USP34: variants seen among roughly 807,000 people sequenced by gnomAD.
USP34 encodes ubiquitin specific peptidase 34.
A neutral mutation model predicts 460.3 loss-of-function variants in USP34; 70 were observed. The observed-to-expected ratio is 0.15, with a 90% CI of 0.13 to 0.19. The LOEUF is 0.19. Among genes scored for constraint, USP34 ranks in the 10% least tolerant of loss-of-function variants. USP34 has a pLI of 1.00. For missense variants in USP34, 3,985 were observed against 4,236.2 expected (o/e 0.94, Z 1.65); for synonymous variants, 1,647 against 1,405.3 (o/e 1.17, Z -3.85).
At chr2:61,204,108 A>C in intron 74 of USP34, 148 bp downstream of exon 74, 1 of 1,078,634 alleles carries the variant, frequency 9.3e-7, no homozygotes, top group East Asian at 2.4e-5. Flanking sequence ...ATTTCAGAGC[A>C]CTAAAAGGAA....
chr2:61,328,061 C>T (rs1201855220), intron 20 of USP34, among the ~76,000 whole-genome samples: 2 of 151,910 alleles, frequency 1.3e-5, no homozygotes, highest in African/African-American at 2.4e-5. Flanking sequence ...CTTTGGGAGG[C>T]GGAGGCGGAG....
chr2:61,265,956 A>C, intron 42 of USP34, 28 bp downstream of exon 42: 11 of 1,511,246 alleles, frequency 7.3e-6, no homozygotes, highest in Non-Finnish European at 9.8e-6. Flanking sequence ...AAAATCTATA[A>C]AGATTAAAGG....
At chr2:61,295,986 C>G (rs1690015288) in intron 30 of USP34, among the ~76,000 whole-genome samples, 1 of 152,158 alleles carries the variant, frequency 6.6e-6, no homozygotes, top group Non-Finnish European at 1.5e-5. Flanking sequence ...AAGCCAGGAG[C>G]AGTGGCTCAT....
chr2:61,229,194 T>C (rs1025782917), intron 59 of USP34, among the ~76,000 whole-genome samples, 199 bp from the exon 60 acceptor site: 8 of 152,188 alleles, frequency 5.3e-5, no homozygotes, highest in African/African-American at 1.2e-4. Context: ...GTAGAGGATT[T>C]TGCAGATGCA....
rs1383375845 is a variant in USP34 at position 61,187,709 on chromosome 2, G to A, written c.*393C>T. 1.1e-5 allele frequency: 5 copies of A among 458,914 alleles called. No homozygotes were observed. The highest frequency in any genetic ancestry group is 1.8e-4 in the South Asian group (2 of 10,946). The allele number at this position is 458,914 out of a possible 1,614,324, so 28.4% of individuals were successfully genotyped here. A position where few individuals can be genotyped will look rare whatever the true frequency, so the allele number is the denominator to read the frequency against. The stretch of plus-strand genomic sequence containing the variant: ...TAATTTTGATAATAAGAACCACAGC[G>A]ATCGGAGGCAATCTGCCTCTATAAG... On this transcript the variant is annotated 3_prime_UTR_variant, in exon 80 of 80. Coordinates refer to ENST00000398571, the MANE Select transcript of USP34 (RefSeq NM_014709.4).
intron 57 of USP34, among the ~76,000 whole-genome samples, chr2:61,234,933 G>C (rs1688020683): frequency 6.6e-6 from 1 of 152,212 alleles, no homozygotes; most frequent in African/African-American, 2.4e-5. Flanking sequence ...ACCATGCACA[G>C]TCCCAAGTTT....
At chr2:61,403,516 C>G (rs566070464) in intron 3 of USP34, among the ~76,000 whole-genome samples, 2 of 152,072 alleles carry the variant, frequency 1.3e-5, no homozygotes, top group South Asian at 4.2e-4. Context: ...ATGGGACTTT[C>G]TTTTGTTGAA....
At chr2:61,258,720 G>C (rs915400623) in intron 44 of USP34, among the ~76,000 whole-genome samples, 4 of 152,162 alleles carry the variant, frequency 2.6e-5, no homozygotes, top group Admixed American at 1.3e-4. Flanking sequence ...AAGCACTCAA[G>C]AGTTTTAAGC....
rs57087400 is a variant in USP34 at position 61,298,537 on chromosome 2, CAAAAAAAAAAAAAAAAAAAAA to C, written c.4129-1633_4129-1613del. Among the ~76,000 whole-genome samples the C allele has an allele frequency of 1.7e-3, 47 of 28,294 alleles. 1 individual carries two copies. Among genetic ancestry groups the C allele is most frequent in the African/African-American group, 7.7e-3 (45 of 5,852 alleles). 18.6% of individuals were successfully genotyped at this position (28,294 alleles called of 152,430 possible). A position where few individuals can be genotyped will look rare whatever the true frequency, so the allele number is the denominator to read the frequency against. On this transcript the variant is annotated intron_variant, in intron 29 of 79. Coordinates refer to ENST00000398571, the MANE Select transcript of USP34 (RefSeq NM_014709.4). ...TGGAGGACAGAGTGAGACTCTGTCT[CAAAAAAAAAAAAAAAAAAAAA>C]AAAAAAAAAAAAAATCTGCTGAAAC...
intron 49 of USP34, 60 bp downstream of exon 49, chr2:61,248,451 C>T: frequency 6.8e-7 from 1 of 1,465,628 alleles, no homozygotes; most frequent in South Asian, 1.5e-5. Context: ...TATAATTATG[C>T]CTACCTTGTT....
chr2:61,393,065 T>C (rs960719060), intron 5 of USP34, among the ~76,000 whole-genome samples: 15 of 152,188 alleles, frequency 9.9e-5, no homozygotes, highest in African/African-American at 3.4e-4. Flanking sequence ...AAAATCTTTC[T>C]CATTTTAAAC....
intron 75 of USP34, among the ~76,000 whole-genome samples, chr2:61,193,533 C>T (rs1261293080): frequency 6.6e-6 from 1 of 152,124 alleles, no homozygotes; most frequent in Non-Finnish European, 1.5e-5. Flanking sequence ...GCATCTGGCA[C>T]TATGTCAGAG....
chr2:61,327,439 G>A (rs1691130475), intron 20 of USP34, among the ~76,000 whole-genome samples: 1 of 152,128 alleles, frequency 6.6e-6, no homozygotes, highest in African/African-American at 2.4e-5. Context: ...GGCTTTTTAA[G>A]TTAAACAACA....
At chr2:61,362,621 G>A (rs770153751) in intron 10 of USP34, among the ~76,000 whole-genome samples, 17 of 152,118 alleles carry the variant, frequency 1.1e-4, no homozygotes, top group Admixed American at 2.0e-4. Flanking sequence ...TCAAAGAAGC[G>A]GAGAGTACAG....
chr2:61,348,704 C>G, intron 14 of USP34, 52 bp downstream of exon 14: 2 of 1,572,760 alleles, frequency 1.3e-6, no homozygotes, highest in South Asian at 1.2e-5. Context: ...AAATGATAAA[C>G]ACGCCAGAAA....
At chr2:61,395,121 G>A in intron 4 of USP34, 62 bp downstream of exon 4, 3 of 1,443,086 alleles carry the variant, frequency 2.1e-6, no homozygotes, top group Non-Finnish European at 2.8e-6. Context: ...TAAAACATAT[G>A]GATGAGGCTT....
chr2:61,263,366 A>C (rs1162294510), intron 43 of USP34, among the ~76,000 whole-genome samples: 1 of 151,420 alleles, frequency 6.6e-6, no homozygotes, highest in Non-Finnish European at 1.5e-5. Context: ...TTTTTAGAGG[A>C]GACATGGCTT....
intron 70 of USP34, 23 bp downstream of exon 70, chr2:61,208,876 G>T: frequency 6.6e-7 from 1 of 1,515,936 alleles, no homozygotes; most frequent in Non-Finnish European, 9.0e-7. Flanking sequence ...AATATCCACA[G>T]TAAAATGCAA....
At chr2:61,352,828 A>G (rs1691983254) in intron 10 of USP34, among the ~76,000 whole-genome samples, 1 of 152,162 alleles carries the variant, frequency 6.6e-6, no homozygotes, top group Admixed American at 6.5e-5. Context: ...TGAAGAAACA[A>G]AGATGACGAA....
Sources: gnomAD v4.1 joint callset for allele counts (sites outside exome capture counted in the v4.1 genomes callset) on GRCh38, gnomAD v4.1.1 for gene constraint, MANE v1.5 for transcripts, NCBI Gene and HGNC (gene_info 2026-07-23, HGNC 2026-07-21) for gene names.